DDX4: variants seen among roughly 807,000 people sequenced by gnomAD.
The protein encoded by DDX4 is DEAD-box helicase 4.
Under a neutral mutation model 100.0 loss-of-function variants are expected in DDX4, and 25 were observed. That is an observed-to-expected ratio of 0.25 (90% CI 0.18 to 0.35). DDX4 has a LOEUF of 0.35. Ranked by LOEUF, DDX4 falls within the 10% of genes least tolerant of loss-of-function variation. DDX4 has a pLI of 1.00. For synonymous variants in DDX4, 259 were observed against 275.7 expected, an observed-to-expected ratio of 0.94 and a Z score of 0.60; for missense variants, 635 against 882.4, an observed-to-expected ratio of 0.72 and a Z score of 3.55.
intron 6 of DDX4, among the ~76,000 whole-genome samples, chr5:55,764,811 T>G (rs1482764402): frequency 6.6e-6 from 1 of 152,222 alleles, no homozygotes; most frequent in Non-Finnish European, 1.5e-5. Flanking sequence ...GTATTCATTT[T>G]ATAGGTGGTT....
intron 16 of DDX4, among the ~76,000 whole-genome samples, chr5:55,792,123 CAAAAAAAAAAAA>C: frequency 1.9e-5 from 1 of 52,068 alleles, no homozygotes; most frequent in Non-Finnish European, 3.8e-5. Context: ...GACTCCTTCT[CAAAAAAAAAAAA>C]AAAAAAAAAA....
At chr5:55,801,572 A>G (rs1335267809) in intron 18 of DDX4, among the ~76,000 whole-genome samples, 1 of 152,124 alleles carries the variant, frequency 6.6e-6, no homozygotes, top group Non-Finnish European at 1.5e-5. Flanking sequence ...ATTCTTCCAT[A>G]ATTTTTTCTG....
chr5:55,766,097 A>G (rs1740910044), intron 6 of DDX4, among the ~76,000 whole-genome samples: 1 of 151,728 alleles, frequency 6.6e-6, no homozygotes, highest in Non-Finnish European at 1.5e-5. Context: ...GATTACAGGC[A>G]TGAGCCACTG....
intron 18 of DDX4, among the ~76,000 whole-genome samples, chr5:55,808,521 G>A (rs1006119644): frequency 1.3e-5 from 2 of 152,184 alleles, no homozygotes; most frequent in African/African-American, 4.8e-5. Flanking sequence ...ATGTTTGTTA[G>A]TTTTCCTTCT....
intron 18 of DDX4, among the ~76,000 whole-genome samples, chr5:55,809,735 A>G (rs969825452): frequency 6.6e-6 from 1 of 152,212 alleles, no homozygotes; most frequent in Non-Finnish European, 1.5e-5. Flanking sequence ...CCAGACATTT[A>G]TATTTTTACA....
intron 7 of DDX4, among the ~76,000 whole-genome samples, chr5:55,770,486 A>T (rs1741191615): frequency 6.6e-6 from 1 of 152,232 alleles, no homozygotes; most frequent in South Asian, 2.1e-4. Context: ...TCATGTTAAA[A>T]TAGCAATGAC....
intron 6 of DDX4, 108 bp downstream of exon 6, chr5:55,764,172 C>T (rs576834303): frequency 4.9e-6 from 4 of 817,526 alleles, no homozygotes; most frequent in South Asian, 1.5e-5. Flanking sequence ...CTTATTTAAA[C>T]CAGATTTTAT....
At chr5:55,739,292 C>T (rs142003374) in intron 2 of DDX4, among the ~76,000 whole-genome samples, 22 of 152,250 alleles carry the variant, frequency 1.4e-4, no homozygotes, top group African/African-American at 5.3e-4. Flanking sequence ...AGGACTTCCT[C>T]AGGTGAAAGC....
chr5:55,761,218 A>G (rs1441585880), intron 4 of DDX4, among the ~76,000 whole-genome samples: 1 of 152,172 alleles, frequency 6.6e-6, no homozygotes, highest in Non-Finnish European at 1.5e-5. Context: ...TGCATTGTTT[A>G]TTTGGACAAT....
intron 18 of DDX4, among the ~76,000 whole-genome samples, chr5:55,806,797 T>G (rs1274517931): frequency 3.9e-5 from 6 of 152,222 alleles, no homozygotes; most frequent in Non-Finnish European, 4.4e-5. Flanking sequence ...AGACTGTATA[T>G]TCTGTTGATT....
At chr5:55,778,662 G>A (rs2111958005) in intron 7 of DDX4, among the ~76,000 whole-genome samples, 1 of 152,338 alleles carries the variant, frequency 6.6e-6, no homozygotes, top group Non-Finnish European at 1.5e-5. Context: ...GGGAGGCCAA[G>A]GTGGGCAGAT....
At chr5:55,747,468 G>T (rs1396488077) in intron 3 of DDX4, among the ~76,000 whole-genome samples, 1 of 152,188 alleles carries the variant, frequency 6.6e-6, no homozygotes, top group Non-Finnish European at 1.5e-5. Flanking sequence ...GATTGCTTGA[G>T]CCCAGGAGTT....
intron 7 of DDX4, among the ~76,000 whole-genome samples, chr5:55,777,893 T>C (rs1741669547): frequency 6.6e-6 from 1 of 152,098 alleles, no homozygotes; most frequent in South Asian, 2.1e-4. Context: ...TATACTAAGA[T>C]GCACAAAGGA....
intron 3 of DDX4, among the ~76,000 whole-genome samples, chr5:55,759,483 T>C (rs1760164479): frequency 6.7e-6 from 1 of 148,734 alleles, no homozygotes; most frequent in South Asian, 2.1e-4. Flanking sequence ...TGTATATGAA[T>C]TGATTATTGA....
intron 10 of DDX4, among the ~76,000 whole-genome samples, chr5:55,783,949 C>T (rs574935207): frequency 1.3e-4 from 19 of 151,910 alleles, no homozygotes; most frequent in African/African-American, 4.6e-4. Flanking sequence ...ATCAACTCAT[C>T]ATTTACATTA....
At chr5:55,809,366 C>T (rs6862627) in intron 18 of DDX4, among the ~76,000 whole-genome samples, 10,470 of 152,160 alleles carry the variant, frequency 0.069, 563 homozygotes, top group African/African-American at 0.15. Flanking sequence ...GAACCCGGCA[C>T]CTCAGTTGGA....
At chr5:55,776,505 T>G (rs981446325) in intron 7 of DDX4, among the ~76,000 whole-genome samples, 1 of 152,206 alleles carries the variant, frequency 6.6e-6, no homozygotes, top group Non-Finnish European at 1.5e-5. Context: ...TACAAAGATT[T>G]TTTAAAACCT....
chr5:55,793,675 A>G (rs1463843566), intron 17 of DDX4, among the ~76,000 whole-genome samples: 1 of 152,234 alleles, frequency 6.6e-6, no homozygotes, highest in Non-Finnish European at 1.5e-5. Context: ...GTGGGCCAGT[A>G]GTGCTTGCTC....
At chr5:55,800,977 C>G (rs1341033025) in intron 18 of DDX4, among the ~76,000 whole-genome samples, 1 of 151,846 alleles carries the variant, frequency 6.6e-6, no homozygotes, top group Non-Finnish European at 1.5e-5. Context: ...GCCCAACTGC[C>G]TTTTTCATAA....
Sources: gnomAD v4.1 joint callset for allele counts (sites outside exome capture counted in the v4.1 genomes callset) on GRCh38, gnomAD v4.1.1 for gene constraint, MANE v1.5 for transcripts, NCBI Gene and HGNC (gene_info 2026-07-23, HGNC 2026-07-21) for gene names.